The following EML1 variants were observed in gnomAD, a reference collection of about 807,000 sequenced individuals.
EML1 encodes the protein EMAP like 1, also known as echinoderm microtubule-associated protein-like 1.
In EML1, 27 loss-of-function variants were observed where a neutral mutation model predicts 110.4. The observed-to-expected ratio is 0.24, with a 90% CI of 0.18 to 0.34. EML1 has a LOEUF of 0.34. Ranked by LOEUF, EML1 falls within the 10% of genes least tolerant of loss-of-function variation. The pLI is 1.00. For missense variants in EML1, 741 were observed against 1,030.9 expected, an observed-to-expected ratio of 0.72 and a Z score of 3.85; for synonymous variants, 344 against 385.8, an observed-to-expected ratio of 0.89 and a Z score of 1.27.
chr14:99,794,587 C>T (rs1346301419), intron 1 of EML1, among the ~76,000 whole-genome samples: 1 of 152,084 alleles, frequency 6.6e-6, no homozygotes, highest in Non-Finnish European at 1.5e-5. Context: ...GTTGATTCAT[C>T]CTCTGTAGTG....
At chr14:99,812,630 A>G (rs2058101479) in intron 1 of EML1, among the ~76,000 whole-genome samples, 1 of 147,946 alleles carries the variant, frequency 6.8e-6, no homozygotes. Context: ...AAAGAGGCTC[A>G]GAGTGTCAGG....
intron 1 of EML1, among the ~76,000 whole-genome samples, chr14:99,744,606 G>A (rs74085363): frequency 0.011 from 1,654 of 152,316 alleles, 34 homozygotes; most frequent in African/African-American, 0.036. Flanking sequence ...AGCACATTGT[G>A]TGAGCTGTGG....
In EML1 at chr14:99,905,040, CAG is replaced by C. The variant is rs139741908; in HGVS notation, c.1009-2582_1009-2581del. On this transcript the variant is annotated intron_variant, in intron 9 of 21. Transcript: ENST00000262233. This position sits in a 1 kb window ranked among gnomAD's most constrained non-coding sequence, Gnocchi z 4.1. ...TTTTACCATTCATTCAGCCAGTTTG[CAG>C]AGAGAGAGAGAGAGAAAGGCCAGAA... 1.5e-4 allele frequency among the ~76,000 whole-genome samples: 22 copies of C among 149,226 alleles called. No individual in the cohort carries two copies. The highest frequency in any genetic ancestry group is 2.1e-4 in the Non-Finnish European group (14 of 66,936).
chr14:99,792,883 G>C (rs529945494), upstream of EML1: 57 of 152,360 alleles, frequency 3.7e-4, no homozygotes, highest in African/African-American at 1.3e-3. Flanking sequence ...AGTGAGCCGC[G>C]GCGTGGAAAC....
At position 99,894,773 on chromosome 14, in the gene EML1, T is replaced by G; in HGVS notation, c.677+15T>G. ...CTGGAATGGGTGTATCCTTTATTCA[T>G]TGATTAGGTCTCACATGAAGTTATC... is the stretch of plus-strand genomic sequence containing the variant. On this transcript the variant is annotated intron_variant, in intron 6 of 21. Transcript: ENST00000262233. 6.2e-7 allele frequency: 1 copy of G among 1,604,330 alleles called. No individual in the cohort carries two copies. Among genetic ancestry groups the G allele is most frequent in the Non-Finnish European group, 8.5e-7 (1 of 1,176,180 alleles).
At chr14:99,933,082 G>T (rs2060402604) in intron 17 of EML1, among the ~76,000 whole-genome samples, 1 of 152,194 alleles carries the variant, frequency 6.6e-6, no homozygotes, top group South Asian at 2.1e-4. Context: ...ACTTCAGCCT[G>T]GGTGACACAG....
intron 1 of EML1, among the ~76,000 whole-genome samples, chr14:99,777,354 G>T (rs1339636499): frequency 1.3e-5 from 2 of 152,174 alleles, no homozygotes; most frequent in African/African-American, 4.8e-5. Context: ...CCCGGAAGCA[G>T]TTACCACTTC....
intron 3 of EML1, among the ~76,000 whole-genome samples, chr14:99,868,633 C>A (rs1171953558): frequency 6.6e-6 from 1 of 151,964 alleles, no homozygotes; most frequent in Non-Finnish European, 1.5e-5. Context: ...TAGTCCTTCT[C>A]GTTTTTGTTA....
At chr14:99,819,133 T>C (rs1236062367) in intron 1 of EML1, among the ~76,000 whole-genome samples, 1 of 152,108 alleles carries the variant, frequency 6.6e-6, no homozygotes, top group South Asian at 2.1e-4. Context: ...TAAAAAGTTG[T>C]TTTAGAGACA....
At chr14:99,793,057 G>A (rs113021255), upstream of EML1, among the ~76,000 whole-genome samples, 1 of 151,300 alleles carries the variant, frequency 6.6e-6, no homozygotes, top group Non-Finnish European at 1.5e-5. Flanking sequence ...CCGCGCCCCC[G>A]CAAGGGCCGC....
At chr14:99,821,450 C>G (rs542803170) in intron 1 of EML1, among the ~76,000 whole-genome samples, 6 of 152,196 alleles carry the variant, frequency 3.9e-5, no homozygotes, top group Non-Finnish European at 8.8e-5. Flanking sequence ...GCCAAAAGTT[C>G]AAGACCAGCC....
chr14:99,841,323 G>T (rs766731682), intron 1 of EML1, among the ~76,000 whole-genome samples: 2 of 152,170 alleles, frequency 1.3e-5, no homozygotes, highest in African/African-American at 2.4e-5. Context: ...AACAAAACAG[G>T]AATATTCATA....
In EML1 at chr14:99,905,405, TAAGAA is replaced by T. The variant is rs1401793825; in HGVS notation, c.1009-2231_1009-2227del. Among the ~76,000 whole-genome samples, 2 of 151,648 alleles carry T rather than the reference TAAGAA, an allele frequency of 1.3e-5. No individual in the cohort carries two copies. The highest frequency in any genetic ancestry group is 2.4e-5 in the African/African-American group (1 of 41,230). On this transcript the variant is annotated intron_variant, in intron 9 of 21. Transcript: ENST00000262233. This position sits in a 1 kb window ranked among gnomAD's most constrained non-coding sequence, Gnocchi z 4.1. The stretch of plus-strand genomic sequence containing the variant: ...TGGTGGCCCTGAGTAATAGAAAACA[TAAGAA>T]AGGGAAAAAGGAGAGAGAGAAAAGC...
chr14:99,759,340 C>T (rs950965289), intron 1 of EML1, among the ~76,000 whole-genome samples: 9 of 152,216 alleles, frequency 5.9e-5, no homozygotes, highest in African/African-American at 1.7e-4. Context: ...CTGCATGGCC[C>T]GCTTGGCTTA....
In EML1 at chr14:99,827,479, T is replaced by C. The variant is rs1157196823; in HGVS notation, c.68-23374T>C. 2.0e-5 allele frequency among the ~76,000 whole-genome samples: 3 copies of C among 152,216 alleles called. No individual in the cohort carries two copies. The highest frequency in any genetic ancestry group is 1.5e-5 in the Non-Finnish European group (1 of 68,044). ...CGAGTACTATAAATACCCTCTGTTATGGGCTTACTTGTGTTACCCCAAATT... is the reference window on the plus strand; with the variant it reads ...CGAGTACTATAAATACCCTCTGTTACGGGCTTACTTGTGTTACCCCAAATT... On this transcript the variant is annotated intron_variant, in intron 1 of 21. Transcript: ENST00000262233. The surrounding 1 kb of genome is among the most constrained non-coding windows in gnomAD (Gnocchi z 4.4).
At chr14:99,859,836 C>T (rs532067410) in intron 2 of EML1, among the ~76,000 whole-genome samples, 9 of 152,274 alleles carry the variant, frequency 5.9e-5, no homozygotes, top group Non-Finnish European at 8.8e-5. Context: ...ATTATATTCA[C>T]GATACAAAAT....
intron 1 of EML1, among the ~76,000 whole-genome samples, chr14:99,787,545 C>G (rs1375639012): frequency 2.6e-5 from 4 of 152,268 alleles, no homozygotes; most frequent in South Asian, 4.1e-4. Context: ...TCCCAAAGTG[C>G]TGGTATTCCA....
intron 1 of EML1, among the ~76,000 whole-genome samples, chr14:99,828,542 T>C (rs879492635): frequency 6.6e-6 from 1 of 151,276 alleles, no homozygotes; most frequent in Admixed American, 6.9e-5. Context: ...TTATTATTAC[T>C]TAATCTCTTA....
At chr14:99,830,599 G>A (rs139716251) in intron 1 of EML1, among the ~76,000 whole-genome samples, 62 of 151,936 alleles carry the variant, frequency 4.1e-4, no homozygotes, top group African/African-American at 1.4e-3. Context: ...CACCCAGGCT[G>A]GAGTGCAGTG....
Sources: gnomAD v4.1 joint callset for allele counts (sites outside exome capture counted in the v4.1 genomes callset) on GRCh38, gnomAD v4.1.1 for gene constraint, Gnocchi (gnomAD v3.1) non-coding constraint, MANE v1.5 for transcripts, NCBI Gene and HGNC (gene_info 2026-07-23, HGNC 2026-07-21) for gene names.